SIAH2: variants seen among roughly 807,000 people sequenced by gnomAD.
SIAH2 encodes the protein siah E3 ubiquitin protein ligase 2, also known as E3 ubiquitin-protein ligase SIAH2.
In SIAH2, 4 loss-of-function variants were observed where a neutral mutation model predicts 20.4. The ratio of observed to expected loss-of-function variants is 0.20; its 90% confidence interval spans 0.10 to 0.45. The LOEUF is 0.45. Among genes scored for constraint, SIAH2 ranks in the 20% least tolerant of loss-of-function variants. SIAH2 has a pLI of 0.99. For missense variants in SIAH2, 259 were observed against 440.3 expected (o/e 0.59, Z 3.69); for synonymous variants, 171 against 192.5 (o/e 0.89, Z 0.93).
intron 1 of SIAH2, among the ~76,000 whole-genome samples, chr3:150,751,400 G>A (rs1425125850): frequency 1.3e-5 from 2 of 151,590 alleles, no homozygotes; most frequent in African/African-American, 4.9e-5. Flanking sequence ...CTCCAGCCTG[G>A]GTGACAGAGA....
At chr3:150,756,517 A>G (rs1409056668) in intron 1 of SIAH2, among the ~76,000 whole-genome samples, 1 of 152,216 alleles carries the variant, frequency 6.6e-6, no homozygotes, top group Non-Finnish European at 1.5e-5. Flanking sequence ...TCTACCACAG[A>G]ACGGGAGAGT....
chr3:150,762,284 T>G lies in SIAH2; in HGVS notation c.417+149A>C. On this transcript the variant is annotated intron_variant, in intron 1 of 1. Coordinates refer to ENST00000312960, the MANE Select transcript of SIAH2 (RefSeq NM_005067.7). The surrounding 1 kb of genome is among the most constrained non-coding windows in gnomAD (Gnocchi z 6.6). The stretch of plus-strand genomic sequence containing the variant: ...CCCAGACCTACACCCAAAGTGGGCT[T>G]GAGGGAGGGTGGACGAAGTGTAAAC... 1.4e-6 allele frequency: 2 copies of G among 1,430,470 alleles called. No individual in the cohort carries two copies. Among genetic ancestry groups the G allele is most frequent in the Non-Finnish European group, 1.8e-6 (2 of 1,091,560 alleles). 88.6% of individuals were successfully genotyped at this position (1,430,470 alleles called of 1,614,324 possible).
intron 1 of SIAH2, among the ~76,000 whole-genome samples, chr3:150,751,439 G>A (rs1334476601): frequency 1.4e-5 from 2 of 142,024 alleles, no homozygotes; most frequent in South Asian, 4.4e-4. Flanking sequence ...AAAAAAAAAA[G>A]AGAGAGATAT....
At chr3:150,756,506 C>T (rs1178544230) in intron 1 of SIAH2, among the ~76,000 whole-genome samples, 1 of 152,178 alleles carries the variant, frequency 6.6e-6, no homozygotes, top group Non-Finnish European at 1.5e-5. Context: ...CAAAAAACAG[C>T]TCTACCACAG....
At chr3:150,748,132 TCCGGA>T (rs1714269227) in intron 1 of SIAH2, among the ~76,000 whole-genome samples, 1 of 152,162 alleles carries the variant, frequency 6.6e-6, no homozygotes, top group Non-Finnish European at 1.5e-5. Context: ...TGATGTGTAA[TCCGGA>T]CCCTCATTCT....
chr3:150,757,197 G>A (rs1247009878), intron 1 of SIAH2, among the ~76,000 whole-genome samples: 2 of 149,926 alleles, frequency 1.3e-5, no homozygotes, highest in Non-Finnish European at 2.9e-5. Flanking sequence ...CACAAAGCCA[G>A]GACGAGAACC....
rs8403 is a variant in SIAH2, at chr3:150,741,218, G to T, written c.*923C>A. On this transcript the variant is annotated 3_prime_UTR_variant, in exon 2 of 2. Transcript: ENST00000312960. Reference sequence around the variant, plus strand: ...TTAAATAGCAAGCATATGACACACCGGTTATAAAGCTTTTCCAACTCTACT... The same window carrying T: ...TTAAATAGCAAGCATATGACACACCTGTTATAAAGCTTTTCCAACTCTACT... 12,586 of 152,678 alleles carry T rather than the reference G, an allele frequency of 0.082. 695 individuals carry two copies. Among genetic ancestry groups the T allele is most frequent in the Middle Eastern group, 0.14 (42 of 294 alleles). 9.5% of individuals were successfully genotyped at this position (152,678 alleles called of 1,614,324 possible).
intron 1 of SIAH2, among the ~76,000 whole-genome samples, chr3:150,747,474 G>A (rs1030652151): frequency 6.6e-6 from 1 of 152,218 alleles, no homozygotes; most frequent in Admixed American, 6.5e-5. Context: ...ACTGAGAGAA[G>A]GCACCTGGGC....
Position 150,742,257 on chromosome 3 carries a change from C to A in SIAH2, c.859G>T (p.Val287Leu). Reference sequence around the variant, plus strand: ...TCGCTGTTCATGATGGCCGCAGCCACACCGTCATGAATCGAACGGGGCGTG... The same window carrying A: ...TCGCTGTTCATGATGGCCGCAGCCAAACCGTCATGAATCGAACGGGGCGTG... Reference protein sequence around the residue: ...EATPRSIHDGVAAAIMNSDCL... With the variant: ...EATPRSIHDGLAAAIMNSDCL... The change falls in exon 2 of 2, where the codon GTG becomes TTG. Residue 287 changes from valine (V) to leucine (L), a missense_variant. Coordinates refer to ENST00000312960, the MANE Select transcript of SIAH2 (RefSeq NM_005067.7). This position sits in a 1 kb window ranked among gnomAD's most constrained non-coding sequence, Gnocchi z 4.8. 1 of 1,614,198 alleles carries A rather than the reference C, an allele frequency of 6.2e-7. No individual in the cohort carries two copies. The highest frequency in any genetic ancestry group is 8.5e-7 in the Non-Finnish European group (1 of 1,180,046).
chr3:150,747,771 T>C (rs1030143752), intron 1 of SIAH2, among the ~76,000 whole-genome samples: 3 of 151,652 alleles, frequency 2.0e-5, no homozygotes, highest in Admixed American at 6.6e-5. Flanking sequence ...TGAAACCCCA[T>C]CTCTACTAAA....
chr3:150,759,207 C>G (rs1714550937), intron 1 of SIAH2, among the ~76,000 whole-genome samples: 1 of 152,112 alleles, frequency 6.6e-6, no homozygotes, highest in South Asian at 2.1e-4. Context: ...GCATCCGGTT[C>G]CCCATATCAA....
rs1000204677 is a variant in SIAH2, at chr3:150,762,705, G to C, written c.145C>G (p.Pro49Ala). Residue 49 changes from proline (P) to alanine (A), a missense_variant, in exon 1 of 2, where the codon CCC becomes GCC. Around this residue, in one of 2 missense-constraint regions of SIAH2, gnomAD observed 99 missense variants for 112.7 expected, o/e 0.88. Coordinates refer to ENST00000312960, the MANE Select transcript of SIAH2 (RefSeq NM_005067.7). This position sits in a 1 kb window ranked among gnomAD's most constrained non-coding sequence, Gnocchi z 6.6. ...CCCGAGATCACCGCCGCCGCGGCGG[G>C]CACCGCGGACGAGCCGGGGCCCGCA... ...SAAGPGSSAV[P>A]AAAAVISGPG... 8 of 1,254,884 alleles carry C rather than the reference G, an allele frequency of 6.4e-6. No homozygotes were observed. In the African/African-American group the frequency reaches 1.3e-4, roughly 20 times the overall value. The allele number at this position is 1,254,884 out of a possible 1,614,324, so 77.7% of individuals were successfully genotyped here.
At chr3:150,745,589 G>A (rs1029813603) in intron 1 of SIAH2, among the ~76,000 whole-genome samples, 9 of 151,630 alleles carry the variant, frequency 5.9e-5, no homozygotes, top group Non-Finnish European at 7.4e-5. Flanking sequence ...TCCGCCTCCC[G>A]GGTTCATGCC....
At chr3:150,754,352 T>A (rs982740966) in intron 1 of SIAH2, among the ~76,000 whole-genome samples, 1 of 151,754 alleles carries the variant, frequency 6.6e-6, no homozygotes, top group African/African-American at 2.4e-5. Flanking sequence ...GGAGCAAGGG[T>A]GGGAGAGGTG....
chr3:150,761,272 T>C (rs1188120643), intron 1 of SIAH2, among the ~76,000 whole-genome samples: 2 of 152,380 alleles, frequency 1.3e-5, no homozygotes, highest in African/African-American at 4.8e-5. Flanking sequence ...AGAAAATGAC[T>C]TTACAGTATA....
At chr3:150,744,195 CAG>C (rs1714161944) in intron 1 of SIAH2, among the ~76,000 whole-genome samples, 2 of 152,078 alleles carry the variant, frequency 1.3e-5, no homozygotes, top group South Asian at 2.1e-4. Context: ...TACAGTCACT[CAG>C]AGGATTCCGA....
chr3:150,754,563 T>C (rs900328967), intron 1 of SIAH2, among the ~76,000 whole-genome samples: 1 of 152,132 alleles, frequency 6.6e-6, no homozygotes, highest in Non-Finnish European at 1.5e-5. Flanking sequence ...CCATCTCACT[T>C]GTTTTGTTTT....
intron 1 of SIAH2, among the ~76,000 whole-genome samples, chr3:150,750,458 T>C (rs902600842): frequency 6.6e-6 from 1 of 152,226 alleles, no homozygotes; most frequent in African/African-American, 2.4e-5. Context: ...AAAAAATCAA[T>C]AGATTTTGAG....
intron 1 of SIAH2, among the ~76,000 whole-genome samples, chr3:150,753,815 A>AC (rs1714423752): frequency 6.6e-6 from 1 of 151,698 alleles, no homozygotes; most frequent in African/African-American, 2.4e-5. Flanking sequence ...CAAAAAAAAA[A>AC]CACTGAGATT....
Sources: allele counts gnomAD v4.1 joint callset (sites outside exome capture counted in the v4.1 genomes callset), GRCh38; gene constraint gnomAD v4.1.1; regional missense constraint gnomAD v4.1.1; non-coding constraint Gnocchi (gnomAD v3.1); transcripts MANE v1.5; gene names NCBI Gene and HGNC (gene_info 2026-07-23, HGNC 2026-07-21).